The following DNMT1 variants were observed in gnomAD, a reference collection of about 807,000 sequenced individuals.
DNMT1 encodes DNA (cytosine-5)-methyltransferase 1.
Under a neutral mutation model 205.3 loss-of-function variants are expected in DNMT1, and 24 were observed. That is an observed-to-expected ratio of 0.12 (90% CI 0.08 to 0.16). The LOEUF is 0.16. DNMT1 is among the 10% of genes least tolerant of loss of function. The probability of loss-of-function intolerance (pLI) is 1.00; values close to 1 mark genes in which losing one functional copy is unlikely to be tolerated. For synonymous variants in DNMT1, 817 were observed against 839.8 expected (o/e 0.97, Z 0.47); for missense variants, 1,293 against 2,177.7 (o/e 0.59, Z 8.09).
chr19:10,194,811 G>T lies in DNMT1; in HGVS notation c.80+9C>A. On this transcript the variant is annotated intron_variant, in intron 1 of 40. Transcript: ENST00000359526. ...CCCCTGAGTCCGTGTTCCCCCCCAT[G>T]GTACCTACCGCCTGCGGACATCGTC... The T allele has an allele frequency of 6.2e-7, 1 of 1,611,602 alleles. No homozygotes were observed. Among genetic ancestry groups the T allele is most frequent in the East Asian group, 2.2e-5 (1 of 44,692 alleles).
At position 10,146,383 on chromosome 19, in the gene DNMT1, A is replaced by G. The variant is rs1249501461; in HGVS notation, c.2862T>C (p.Gly954=). The G allele has an allele frequency of 6.2e-7, 1 of 1,613,490 alleles. No homozygotes were observed. The highest frequency in any genetic ancestry group is 8.5e-7 in the Non-Finnish European group (1 of 1,179,872). Residue 954 remains glycine, a synonymous_variant, in exon 28 of 41, where the codon GGT becomes GGC. Coordinates refer to ENST00000359526, the MANE Select transcript of DNMT1 (RefSeq NM_001130823.3). This position sits in a 1 kb window ranked among gnomAD's most constrained non-coding sequence, Gnocchi z 4.4. ...KNGILYRVGD[G]VYLPPEAFTF... Reference sequence around the variant, plus strand: ...TGAAGGCCTCAGGGGGCAGGTACACACCATCACCAACTCGGTACAGGATGC... The same window carrying G: ...TGAAGGCCTCAGGGGGCAGGTACACGCCATCACCAACTCGGTACAGGATGC...
chr19:10,167,999 C>T, intron 10 of DNMT1, among the ~76,000 whole-genome samples: 1 of 151,998 alleles, frequency 6.6e-6, no homozygotes, highest in African/African-American at 2.4e-5. Context: ...GGTACAGGCC[C>T]ATACTCCCAG....
intron 11 of DNMT1, among the ~76,000 whole-genome samples, chr19:10,165,083 T>A (rs1047171476): frequency 6.6e-6 from 1 of 151,290 alleles, no homozygotes; most frequent in Non-Finnish European, 1.5e-5. Context: ...CTGGGCAACA[T>A]GGCAAAACCC....
chr19:10,175,497 AC>A, intron 7 of DNMT1, 42 bp downstream of exon 7: 1 of 1,608,920 alleles, frequency 6.2e-7, no homozygotes, highest in Non-Finnish European at 8.5e-7. Context: ...CATCAAATAC[AC>A]CAAGTTAAGG....
chr19:10,158,445 A>T (rs1219232937), intron 17 of DNMT1, among the ~76,000 whole-genome samples: 1 of 152,158 alleles, frequency 6.6e-6, no homozygotes, highest in Non-Finnish European at 1.5e-5. Context: ...TGCTTCCAAC[A>T]GGGGTCCCCA....
rs891162524 is a variant in DNMT1 at position 10,151,480 on chromosome 19, A to C, written c.2183T>G (p.Met728Arg). 6 of 1,614,008 alleles carry C rather than the reference A, an allele frequency of 3.7e-6. No individual in the cohort carries two copies. Among genetic ancestry groups the C allele is most frequent in the Non-Finnish European group, 5.1e-6 (6 of 1,180,010 alleles). The change falls in exon 24 of 41, where the codon ATG (methionine) becomes AGG (arginine). Residue 728 changes from methionine (M) to arginine (R), a missense_variant. Around this residue, in one of 13 missense-constraint regions of DNMT1, gnomAD observed 197 missense variants for 353.6 expected, o/e 0.56. Transcript: ENST00000359526. The surrounding 1 kb of genome is among the most constrained non-coding windows in gnomAD (Gnocchi z 5.0). ...CTGGTGCATTTTTTTGGGTGACGGC[A>C]TCTCTGGGATGTTATCATCGACTTC... The part of the protein sequence containing the change: ...DEEVDDNIPE[M>R]PSPKKMHQGK...
At chr19:10,172,973 G>A in intron 9 of DNMT1, 117 bp downstream of exon 9, 1 of 1,223,548 alleles carries the variant, frequency 8.2e-7, no homozygotes, top group South Asian at 1.2e-5. Context: ...TCGATCACTA[G>A]CAAAACCCAT....
intron 29 of DNMT1, among the ~76,000 whole-genome samples, chr19:10,142,456 C>G (rs577177318): frequency 1.3e-5 from 2 of 150,806 alleles, no homozygotes; most frequent in Non-Finnish European, 3.0e-5. Flanking sequence ...GGGTAAAGAC[C>G]CCCCCTAGTT....
Position 10,166,642 on chromosome 19 carries a change from T to C in DNMT1, c.847A>G (p.Arg283Gly), listed in dbSNP as rs1199842664. Residue 283 changes from arginine to glycine, a missense_variant, in exon 11 of 41, where the codon AGG becomes GGG. Arg to Gly is a moderately radical substitution (Grantham distance 125, BLOSUM62 -2). Coordinates refer to ENST00000359526, the MANE Select transcript of DNMT1 (RefSeq NM_001130823.3). ...KLKEEPDREA[R>G]AGVQADEDED... ...TCCTCGTCAGCCTGCACGCCTGCCCTGGCTTCTCTGTCCGGCTCCTCCTTC... is the reference window on the plus strand; with the variant it reads ...TCCTCGTCAGCCTGCACGCCTGCCCCGGCTTCTCTGTCCGGCTCCTCCTTC... 1.2e-6 allele frequency: 2 copies of C among 1,614,216 alleles called. No homozygotes were observed. The highest frequency in any genetic ancestry group is 1.7e-6 in the Non-Finnish European group (2 of 1,180,030).
rs2038199905 is a variant in DNMT1 at position 10,146,325 on chromosome 19, C to T, written c.2894+26G>A. On this transcript the variant is annotated intron_variant, in intron 28 of 40. Transcript: ENST00000359526. The surrounding 1 kb of genome is among the most constrained non-coding windows in gnomAD (Gnocchi z 4.4). ...CTGGCTCAGCCTGGAGCGCCCTGGCCCCGGCTGCTCCGAGGGGGCACTTAC... is the reference window on the plus strand; with the variant it reads ...CTGGCTCAGCCTGGAGCGCCCTGGCTCCGGCTGCTCCGAGGGGGCACTTAC... 5 of 1,612,766 alleles carry T rather than the reference C, an allele frequency of 3.1e-6. No homozygotes were observed. Among genetic ancestry groups the T allele is most frequent in the Non-Finnish European group, 4.2e-6 (5 of 1,179,618 alleles).
Position 10,181,036 on chromosome 19 carries a change from G to C in DNMT1, c.118-151C>G, listed in dbSNP as rs1263975036. 5 of 715,930 alleles carry C rather than the reference G, an allele frequency of 7.0e-6. No homozygotes were observed. The Admixed American group carries it at 1.0e-4, about 15-fold the overall frequency. The allele number at this position is 715,930 out of a possible 1,614,324, so 44.3% of individuals were successfully genotyped here. ...TCAAAACACTAAACAGTCATGAAAT[G>C]TGTTCAGGGAATTTCCATTAGGATC... is the stretch of plus-strand genomic sequence containing the variant. On this transcript the variant is annotated intron_variant, in intron 2 of 40. Coordinates refer to ENST00000359526, the MANE Select transcript of DNMT1 (RefSeq NM_001130823.3).
At position 10,139,825 on chromosome 19, in the gene DNMT1, G is replaced by T; in HGVS notation, c.3807-8C>A. The T allele has an allele frequency of 6.4e-7, 1 of 1,570,904 alleles. No homozygotes were observed. Among genetic ancestry groups the T allele is most frequent in the Non-Finnish European group, 8.6e-7 (1 of 1,157,858 alleles). ...CGGTAGTAGTCGCAGTAGCTGTAGG[G>T]GGCAGGAGAGACTGCAGGAGTCACC... On this transcript the variant is annotated splice_polypyrimidine_tract_variant and splice_region_variant and intron_variant, in intron 33 of 40. Transcript: ENST00000359526.
rs547104538 is a variant in DNMT1, at chr19:10,194,501, G to A, written c.80+319C>T. ...GCTGGAGTCAAGAGCCCGGCCCACC[G>A]CTGCTTGAAGAAGGGGACCCCGGAA... is the stretch of plus-strand genomic sequence containing the variant. On this transcript the variant is annotated intron_variant, in intron 1 of 40. Transcript: ENST00000359526. 1.3e-3 allele frequency: 331 copies of A among 248,806 alleles called. 3 individuals carry two copies. Among genetic ancestry groups the A allele is most frequent in the South Asian group, 7.1e-3 (90 of 12,598 alleles). The allele number at this position is 248,806 out of a possible 1,614,324, so 15.4% of individuals were successfully genotyped here.
chr19:10,166,308 T>A (rs1193240092), intron 11 of DNMT1, among the ~76,000 whole-genome samples: 1 of 152,140 alleles, frequency 6.6e-6, no homozygotes, highest in Non-Finnish European at 1.5e-5. Context: ...CAGTGAGGCC[T>A]CAGGAGAGGA....
At chr19:10,177,946 A>G (rs904505794) in intron 5 of DNMT1, among the ~76,000 whole-genome samples, 2 of 151,586 alleles carry the variant, frequency 1.3e-5, no homozygotes, top group African/African-American at 2.4e-5. Flanking sequence ...AAAAAAAAAA[A>G]AAAGAAAAGA....
intron 11 of DNMT1, among the ~76,000 whole-genome samples, chr19:10,164,993 C>T (rs1398277477): frequency 7.1e-6 from 1 of 140,952 alleles, no homozygotes; most frequent in East Asian, 2.1e-4. Context: ...ACGGTTCATG[C>T]CTGTAATCCT....
chr19:10,183,083 A>ATATATATACACGTATATATATGTGTG (rs1568257269), intron 1 of DNMT1, among the ~76,000 whole-genome samples: 2 of 145,902 alleles, frequency 1.4e-5, no homozygotes, highest in Admixed American at 6.9e-5. Flanking sequence ...ATGTGTGTGT[A>ATATATATACACGTATATATATGTGTG]TATATATATA....
chr19:10,178,263 A>T lies in DNMT1; in HGVS notation c.494-896T>A, dbSNP rs369353220. Among the ~76,000 whole-genome samples, 209 of 152,022 alleles carry T rather than the reference A, an allele frequency of 1.4e-3. 10 individuals are homozygous for T. The South Asian group carries it at 0.042, about 31-fold the overall frequency. ...AGAGTAAGACTCCATCTCAAAAAAAAATAAAATAAAGGGCCAGGTGAGGTG... is the reference window on the plus strand; with the variant it reads ...AGAGTAAGACTCCATCTCAAAAAAATATAAAATAAAGGGCCAGGTGAGGTG... On this transcript the variant is annotated intron_variant, in intron 5 of 40. Transcript: ENST00000359526.
chr19:10,134,342 A>T (rs371441479), intron 39 of DNMT1, 35 bp from the exon 40 acceptor site: 55 of 1,602,558 alleles, frequency 3.4e-5, no homozygotes, highest in Non-Finnish European at 4.4e-5. Context: ...CCTGATGTGG[A>T]CACCCAGGCC....
Sources: gnomAD v4.1 joint callset for allele counts (sites outside exome capture counted in the v4.1 genomes callset) on GRCh38, gnomAD v4.1.1 for gene constraint, gnomAD v4.1.1 regional missense constraint, Gnocchi (gnomAD v3.1) non-coding constraint, MANE v1.5 for transcripts, NCBI Gene and HGNC (gene_info 2026-07-23, HGNC 2026-07-21) for gene names.